Variants in EEA1 observed in about 807,000 individuals in gnomAD.
EEA1 encodes the protein early endosome antigen 1.
A neutral mutation model predicts 209.2 loss-of-function variants in EEA1; 111 were observed. The observed-to-expected ratio is 0.53, with a 90% confidence interval of 0.45 to 0.62. The LOEUF (loss-of-function observed/expected upper bound fraction) is 0.62. EEA1 is among the 20% of genes least tolerant of loss of function. The probability of loss-of-function intolerance (pLI) is 0.00; values close to 1 mark genes in which losing one functional copy is unlikely to be tolerated. For missense variants in EEA1, 1,343 were observed against 1,530.8 expected (o/e 0.88, Z 2.05); for synonymous variants, 536 against 540.6 (o/e 0.99, Z 0.12).
At chr12:92,842,255 T>C (rs1877199056) in intron 10 of EEA1, among the ~76,000 whole-genome samples, 3 of 150,644 alleles carry the variant, frequency 2.0e-5, no homozygotes, top group African/African-American at 7.3e-5. Context: ...AGAGAAGGAG[T>C]AATGCAGAGT....
In EEA1 at chr12:92,775,109, T is replaced by C. The variant is rs1429770748; in HGVS notation, c.*902A>G. On this transcript the variant is annotated 3_prime_UTR_variant, in exon 29 of 29. Transcript: ENST00000322349. ...ATGCTAGAGAGACAAAATAAGGGTA[T>C]GATATGAAGGCTGATCTCAAAAGAC... The C allele has an allele frequency of 1.3e-5, 2 of 151,618 alleles. No individual in the cohort carries two copies. The highest frequency in any genetic ancestry group is 4.8e-5 in the African/African-American group (2 of 41,370). The allele number at this position is 151,618 out of a possible 1,614,324, so 9.4% of individuals were successfully genotyped here.
chr12:92,895,035 T>C (rs1301061728), intron 1 of EEA1, among the ~76,000 whole-genome samples: 1 of 152,112 alleles, frequency 6.6e-6, no homozygotes, highest in Non-Finnish European at 1.5e-5. Flanking sequence ...CTGAAATTCC[T>C]AGGACCCTTA....
intron 1 of EEA1, among the ~76,000 whole-genome samples, chr12:92,908,984 C>G (rs1454964886): frequency 2.6e-5 from 4 of 152,110 alleles, no homozygotes; most frequent in Non-Finnish European, 5.9e-5. Flanking sequence ...CCACCACACC[C>G]AGCTAATTAG....
At chr12:92,859,024 A>G in intron 3 of EEA1, 1 of 687,870 alleles carries the variant, frequency 1.5e-6, no homozygotes, top group South Asian at 1.7e-5. Context: ...TCTGTGCAGA[A>G]CGGTTCTTGT....
At chr12:92,849,490 A>T (rs1877520442) in intron 9 of EEA1, among the ~76,000 whole-genome samples, 1 of 152,130 alleles carries the variant, frequency 6.6e-6, no homozygotes, top group Non-Finnish European at 1.5e-5. Context: ...CCAGTAGGAC[A>T]AGAGCTTTTA....
intron 28 of EEA1, 102 bp downstream of exon 28, chr12:92,776,741 GA>G (rs1253283550): frequency 6.3e-6 from 7 of 1,111,792 alleles, no homozygotes; most frequent in Non-Finnish European, 9.3e-6. Flanking sequence ...CTGATAAACA[GA>G]AAATTATTCT....
Position 92,801,582 on chromosome 12 carries a change from A to T in EEA1, c.2772+18T>A. 6.6e-7 allele frequency: 1 copy of T among 1,509,248 alleles called. No homozygotes were observed. Among genetic ancestry groups the T allele is most frequent in the Non-Finnish European group, 9.0e-7 (1 of 1,110,440 alleles). The allele number at this position is 1,509,248 out of a possible 1,614,324, so 93.5% of individuals were successfully genotyped here. A position where few individuals can be genotyped will look rare whatever the true frequency, so the allele number is the denominator to read the frequency against. On this transcript the variant is annotated intron_variant, in intron 20 of 28. Coordinates refer to ENST00000322349, the MANE Select transcript of EEA1 (RefSeq NM_003566.4). ...TACTATACTTTACAGATTTTATGTTACAAAAAAAAAATCTTACCTCCTTCT... is the reference window on the plus strand; with the variant it reads ...TACTATACTTTACAGATTTTATGTTTCAAAAAAAAAATCTTACCTCCTTCT...
intron 9 of EEA1, 115 bp from the exon 10 acceptor site, chr12:92,842,696 A>G (rs889973275): frequency 8.9e-6 from 6 of 677,930 alleles, no homozygotes; most frequent in South Asian, 3.9e-5. Flanking sequence ...GGAATTTTCA[A>G]TTTTGTTCTT....
chr12:92,803,295 G>A (rs1875027993), intron 18 of EEA1, among the ~76,000 whole-genome samples: 1 of 151,988 alleles, frequency 6.6e-6, no homozygotes, highest in Non-Finnish European at 1.5e-5. Flanking sequence ...GAAGCTAGCA[G>A]ATTATACAAA....
At chr12:92,834,733 T>C (rs1427792494) in intron 10 of EEA1, among the ~76,000 whole-genome samples, 1 of 152,162 alleles carries the variant, frequency 6.6e-6, no homozygotes, top group Non-Finnish European at 1.5e-5. Flanking sequence ...TACTTCTGAT[T>C]CAACTATGTT....
chr12:92,798,394 G>A (rs895490665), intron 21 of EEA1, among the ~76,000 whole-genome samples: 4 of 149,656 alleles, frequency 2.7e-5, no homozygotes, highest in African/African-American at 9.9e-5. Flanking sequence ...AGGCTGAAGT[G>A]CAGCGGCATG....
intron 2 of EEA1, chr12:92,883,875 T>G: frequency 6.3e-7 from 1 of 1,599,336 alleles, no homozygotes; most frequent in Non-Finnish European, 8.5e-7. Context: ...GGAGCCATTT[T>G]GAGCAATGGG....
In EEA1 at chr12:92,809,020, T is replaced by G. The variant is rs1160166088; in HGVS notation, c.2336A>C (p.Glu779Ala). Residue 779 changes from glutamate (E) to alanine (A), a missense_variant, in exon 18 of 29, where the codon GAA becomes GCA. Physicochemically the swap from Glu to Ala is moderately radical, Grantham distance 107 (BLOSUM62 -1). This residue lies in a region of EEA1 where 1,307 missense variants were observed against 1,465.5 expected (regional missense o/e 0.89). Coordinates refer to ENST00000322349, the MANE Select transcript of EEA1 (RefSeq NM_003566.4). ...TAAGTAAAGTGGTTTAGCTTACATT[T>G]CCTTCTCCATTTCAAGTTGTTTACT... ...ELSKQLEMEK[E>A]IVSSTRLDLQ... 1 of 1,590,326 alleles carries G rather than the reference T, an allele frequency of 6.3e-7. No individual in the cohort carries two copies. Among genetic ancestry groups the G allele is most frequent in the East Asian group, 2.3e-5 (1 of 43,920 alleles).
intron 22 of EEA1, among the ~76,000 whole-genome samples, chr12:92,784,377 G>C (rs1417504671): frequency 1.3e-5 from 2 of 152,298 alleles, no homozygotes; most frequent in South Asian, 4.1e-4. Flanking sequence ...CAAAGGGTGA[G>C]AGTGATTTCA....
chr12:92,862,215 C>T (rs565332697), intron 3 of EEA1, among the ~76,000 whole-genome samples: 7 of 74,376 alleles, frequency 9.4e-5, no homozygotes, highest in African/African-American at 1.8e-4. Flanking sequence ...ACAATAAAAA[C>T]GGAAACGCAT....
intron 2 of EEA1, among the ~76,000 whole-genome samples, chr12:92,867,349 T>C (rs1269685787): frequency 6.6e-6 from 1 of 152,186 alleles, no homozygotes; most frequent in African/African-American, 2.4e-5. Context: ...ATTGGATTTT[T>C]TTCATCCATA....
chr12:92,786,839 G>A (rs1286478685), intron 22 of EEA1, among the ~76,000 whole-genome samples: 1 of 152,030 alleles, frequency 6.6e-6, no homozygotes, highest in Admixed American at 6.6e-5. Context: ...ATCTTTGCTA[G>A]GCATCTAAGA....
At chr12:92,897,249 C>T (rs933735021) in intron 1 of EEA1, among the ~76,000 whole-genome samples, 8 of 152,220 alleles carry the variant, frequency 5.3e-5, no homozygotes, top group African/African-American at 1.7e-4. Flanking sequence ...TGGCTATCCA[C>T]AACAAATCAG....
chr12:92,851,573 C>T lies in EEA1; in HGVS notation c.643-307G>A, dbSNP rs546720948. ...TGGTCATAACAGTGACTTGAAAATGCTACATTCCTTCTTTTTCTATCCTAC... is the reference window on the plus strand; with the variant it reads ...TGGTCATAACAGTGACTTGAAAATGTTACATTCCTTCTTTTTCTATCCTAC... On this transcript the variant is annotated intron_variant, in intron 8 of 28. Coordinates refer to ENST00000322349, the MANE Select transcript of EEA1 (RefSeq NM_003566.4). 2.0e-4 allele frequency among the ~76,000 whole-genome samples: 31 copies of T among 152,220 alleles called. No homozygotes were observed. The South Asian group carries it at 6.0e-3, about 30-fold the overall frequency.
Sources: allele counts gnomAD v4.1 joint callset (sites outside exome capture counted in the v4.1 genomes callset), GRCh38; gene constraint gnomAD v4.1.1; regional missense constraint gnomAD v4.1.1; transcripts MANE v1.5; gene names NCBI Gene and HGNC (gene_info 2026-07-23, HGNC 2026-07-21).